The following RRP1 variants were observed in gnomAD, a reference collection of about 807,000 sequenced individuals.
RRP1 encodes the protein ribosomal RNA processing 1.
Under a neutral mutation model 54.6 loss-of-function variants are expected in RRP1, and 37 were observed. That is an observed-to-expected ratio of 0.68 (90% CI 0.52 to 0.89). The LOEUF is 0.89. RRP1 is among the 40% of genes least tolerant of loss of function. The probability of loss-of-function intolerance (pLI) is 0.00; values close to 1 mark genes in which losing one functional copy is unlikely to be tolerated. For missense variants in RRP1, 639 were observed against 612.5 expected (o/e 1.04, Z -0.46); for synonymous variants, 262 against 244.3 (o/e 1.07, Z -0.67).
At chr21:43,798,759 T>C (rs1459629010) in intron 8 of RRP1, among the ~76,000 whole-genome samples, 2 of 152,050 alleles carry the variant, frequency 1.3e-5, no homozygotes, top group Non-Finnish European at 2.9e-5. Flanking sequence ...GCTGCACTCA[T>C]TGTCCGAGCC....
rs944836778 is a variant in RRP1, at chr21:43,803,977, C to G, written c.*203C>G. 1.6e-5 allele frequency: 10 copies of G among 617,190 alleles called. No homozygotes were observed. The highest frequency in any genetic ancestry group is 2.6e-5 in the Non-Finnish European group (10 of 379,266). 38.2% of individuals were successfully genotyped at this position (617,190 alleles called of 1,614,324 possible). On this transcript the variant is annotated 3_prime_UTR_variant, in exon 13 of 13. Transcript: ENST00000497547. ...CTGGACCTTTCCCCAGAGCCTCCGC[C>G]TGTGGCTGTGATGACCTTGGGCCAG... is the stretch of plus-strand genomic sequence containing the variant.
At chr21:43,802,885 G>A (rs1358515094) in intron 12 of RRP1, among the ~76,000 whole-genome samples, 2 of 152,258 alleles carry the variant, frequency 1.3e-5, no homozygotes, top group Admixed American at 6.5e-5. Context: ...CTGGGTCCGC[G>A]GCAGACCACT....
chr21:43,791,117 G>A (rs1321170600), intron 1 of RRP1: 2 of 617,854 alleles, frequency 3.2e-6, no homozygotes, highest in Non-Finnish European at 6.0e-6. Context: ...GATCTCAGTC[G>A]GTTTTACTGT....
Position 43,797,715 on chromosome 21 carries a change from A to T in RRP1, c.617+20A>T. Reference sequence around the variant, plus strand: ...CAAGGAGTAAGTGGTGGGTGGCCTGATCGGGCCCGACTCCTTCACTGAGTT... The same window carrying T: ...CAAGGAGTAAGTGGTGGGTGGCCTGTTCGGGCCCGACTCCTTCACTGAGTT... On this transcript the variant is annotated intron_variant, in intron 7 of 12. Coordinates refer to ENST00000497547, the MANE Select transcript of RRP1 (RefSeq NM_003683.6). The T allele has an allele frequency of 6.2e-7, 1 of 1,612,464 alleles. No homozygotes were observed.
intron 12 of RRP1, among the ~76,000 whole-genome samples, chr21:43,802,637 G>T (rs1172927198): frequency 6.6e-6 from 1 of 152,160 alleles, no homozygotes; most frequent in Non-Finnish European, 1.5e-5. Context: ...CTCCCTCCCG[G>T]TCTGGAGACA....
At chr21:43,795,998 A>C (rs185946644) in intron 5 of RRP1, among the ~76,000 whole-genome samples, 2 of 152,146 alleles carry the variant, frequency 1.3e-5, no homozygotes, top group East Asian at 1.9e-4. Flanking sequence ...AAATTAGATA[A>C]ATGCATAGAA....
Position 43,792,659 on chromosome 21 carries a change from G to C in RRP1, c.217-13G>C. 6.2e-7 allele frequency: 1 copy of C among 1,614,068 alleles called. No individual in the cohort carries two copies. Among genetic ancestry groups the C allele is most frequent in the Admixed American group, 1.7e-5 (1 of 59,972 alleles). The stretch of plus-strand genomic sequence containing the variant: ...TTCAGGGGCTGAGGGCGTTTTTGTT[G>C]TTTCCTACACAGGAAGAATTAGGAA... On this transcript the variant is annotated splice_polypyrimidine_tract_variant and intron_variant, in intron 2 of 12. Transcript: ENST00000497547.
At chr21:43,791,550 T>A in intron 2 of RRP1, 118 bp downstream of exon 2, 2 of 863,336 alleles carry the variant, frequency 2.3e-6, no homozygotes, top group Non-Finnish European at 3.6e-6. Context: ...TTGCCCAGGC[T>A]GGAGTGCAGT....
Position 43,791,533 on chromosome 21 carries a change from G to A in RRP1, c.216+101G>A, listed in dbSNP as rs1015527786. 9.6e-5 allele frequency: 103 copies of A among 1,073,746 alleles called. No homozygotes were observed. The African/African-American group carries it at 1.2e-3, about 13-fold the overall frequency. The allele number at this position is 1,073,746 out of a possible 1,614,324, so 66.5% of individuals were successfully genotyped here. A position where few individuals can be genotyped will look rare whatever the true frequency, so the allele number is the denominator to read the frequency against. On this transcript the variant is annotated intron_variant, in intron 2 of 12. Coordinates refer to ENST00000497547, the MANE Select transcript of RRP1 (RefSeq NM_003683.6). ...TCTTTTTTTTTTAAGTCGGAGTTTC[G>A]CTCTTGTTGCCCAGGCTGGAGTGCA...
In RRP1 at chr21:43,799,567, C is replaced by T. The variant is rs764238526; in HGVS notation, c.812-3C>T. On this transcript the variant is annotated splice_polypyrimidine_tract_variant and splice_region_variant and intron_variant, in intron 8 of 12. Coordinates refer to ENST00000497547, the MANE Select transcript of RRP1 (RefSeq NM_003683.6). ...AGGGTTCACGGGGTCCCTTTTGTTC[C>T]AGGCTCCATCTGCAGGGCTGAACCT... is the stretch of plus-strand genomic sequence containing the variant. 1.9e-5 allele frequency: 31 copies of T among 1,610,910 alleles called. No individual in the cohort carries two copies. The highest frequency in any genetic ancestry group is 2.6e-5 in the Non-Finnish European group (31 of 1,179,562).
rs555031247 is a variant in RRP1, at chr21:43,803,832, C to T, written c.*58C>T. The T allele has an allele frequency of 1.9e-5, 28 of 1,486,624 alleles. No individual in the cohort carries two copies. The highest frequency in any genetic ancestry group is 9.1e-5 in the Admixed American group (4 of 44,112). The allele number at this position is 1,486,624 out of a possible 1,614,324, so 92.1% of individuals were successfully genotyped here. ...GCCAGGCCTCGCTTGCACCGCGGGA[C>T]GAGGCTGACCGGGCTGTTCTGTAGA... On this transcript the variant is annotated 3_prime_UTR_variant, in exon 13 of 13. Transcript: ENST00000497547.
chr21:43,802,125 G>A, intron 11 of RRP1, 149 bp from the exon 12 acceptor site: 1 of 615,590 alleles, frequency 1.6e-6, no homozygotes, highest in Non-Finnish European at 2.9e-6. Context: ...GGCGGGTACT[G>A]AACACGCTGC....
At chr21:43,795,348 T>A in intron 5 of RRP1, 98 bp downstream of exon 5, 1 of 1,141,958 alleles carries the variant, frequency 8.8e-7, no homozygotes, top group Non-Finnish European at 1.3e-6. Flanking sequence ...TGTCAGCCTT[T>A]ATATTAACGC....
chr21:43,789,640 G>A lies in RRP1; in HGVS notation c.11G>A (p.Arg4His), dbSNP rs2084935658. The A allele has an allele frequency of 1.9e-6, 3 of 1,585,794 alleles. No individual in the cohort carries two copies. Among genetic ancestry groups the A allele is most frequent in the South Asian group, 2.3e-5 (2 of 87,400 alleles). Residue 4 changes from arginine (R) to histidine (H), a missense_variant, in exon 1 of 13, where the codon CGC (arginine) becomes CAC (histidine). Physicochemically the swap from Arg to His is conservative, Grantham distance 29. Coordinates refer to ENST00000497547, the MANE Select transcript of RRP1 (RefSeq NM_003683.6). MVSRVQLPPEIQLA... is the reference protein window; with the variant it reads MVSHVQLPPEIQLA... Reference sequence around the variant, plus strand: ...TCGGCCGTCGGCGTCATGGTTTCGCGCGTGCAGCTCCCGCCTGAGATCCAG... The same window carrying A: ...TCGGCCGTCGGCGTCATGGTTTCGCACGTGCAGCTCCCGCCTGAGATCCAG...
intron 5 of RRP1, 110 bp from the exon 6 acceptor site, chr21:43,797,312 C>A (rs2085029307): frequency 6.7e-7 from 1 of 1,486,852 alleles, no homozygotes; most frequent in South Asian, 1.4e-5. Flanking sequence ...ACAGTGGCGC[C>A]TGCCCGCACT....
chr21:43,797,041 G>A (rs1310162296), intron 5 of RRP1, among the ~76,000 whole-genome samples: 1 of 152,184 alleles, frequency 6.6e-6, no homozygotes, highest in East Asian at 1.9e-4. Context: ...GGTACCCAGT[G>A]GAGGCAGTGG....
chr21:43,797,764 G>A lies in RRP1; in HGVS notation c.617+69G>A, dbSNP rs73379033. 1.4e-4 allele frequency: 226 copies of A among 1,591,554 alleles called. 2 individuals are homozygous for A. In the East Asian group the frequency reaches 5.0e-3, roughly 35 times the overall value. On this transcript the variant is annotated intron_variant, in intron 7 of 12. Transcript: ENST00000497547. ...TTCTTCCATGGGGCTGCTGTTGTGG[G>A]GGTGCTGCTCCCTCGAGGGATGAAT...
At chr21:43,790,150 C>T (rs991718192) in intron 1 of RRP1, among the ~76,000 whole-genome samples, 11 of 152,210 alleles carry the variant, frequency 7.2e-5, no homozygotes, top group African/African-American at 2.7e-4. Context: ...GATTGTTTTC[C>T]GATTTCCACT....
intron 8 of RRP1, among the ~76,000 whole-genome samples, chr21:43,798,744 T>G (rs569772269): frequency 4.6e-5 from 7 of 152,204 alleles, no homozygotes; most frequent in African/African-American, 1.4e-4. Flanking sequence ...ATTTTTTGTT[T>G]TGATGCTGCA....
Sources: allele counts gnomAD v4.1 joint callset (sites outside exome capture counted in the v4.1 genomes callset), GRCh38; gene constraint gnomAD v4.1.1; transcripts MANE v1.5; gene names NCBI Gene and HGNC (gene_info 2026-07-23, HGNC 2026-07-21).